WRAP73: variants seen among roughly 807,000 people sequenced by gnomAD.
WRAP73 encodes the protein WD repeat containing, antisense to TP73, also known as WD repeat-containing protein WRAP73.
Under a neutral mutation model 59.6 loss-of-function variants are expected in WRAP73, and 55 were observed. That is an observed-to-expected ratio of 0.92 (90% CI 0.74 to 1.15). The LOEUF is 1.15. Among genes scored for constraint, WRAP73 ranks in the 50% most tolerant of loss-of-function variants. WRAP73 has a pLI of 0.00. For synonymous variants in WRAP73, 265 were observed against 258.2 expected, an observed-to-expected ratio of 1.03 and a Z score of -0.25; for missense variants, 592 against 608.1, an observed-to-expected ratio of 0.97 and a Z score of 0.28.
chr1:3,649,765 G>C (rs1307358748), intron 1 of WRAP73, among the ~76,000 whole-genome samples, 166 bp downstream of exon 1: 1 of 151,892 alleles, frequency 6.6e-6, no homozygotes, highest in African/African-American at 2.4e-5. Flanking sequence ...CACTTGCTCA[G>C]ACACTGCACC....
In WRAP73 at chr1:3,633,440, G is replaced by T. The variant is rs144751487; in HGVS notation, c.880C>A (p.Pro294Thr). ...GGGAGAGGGCCGGCCCCGGCCCGGG[G>T]CGGCGGGAAGGAGAGGCAGCCCAGT... is the stretch of plus-strand genomic sequence containing the variant. ...LGLGCLSFPP[P>T]RAGAGPLPSS... Residue 294 changes from proline (P) to threonine (T), a missense_variant, in exon 9 of 12, where the codon CCC (proline) becomes ACC (threonine). Transcript: ENST00000270708. The T allele has an allele frequency of 1.6e-5, 25 of 1,612,462 alleles. No individual in the cohort carries two copies. In the African/African-American group the frequency reaches 2.7e-4, roughly 17 times the overall value.
rs1644703990 is a variant in WRAP73 at position 3,647,554 on chromosome 1, A to G, written c.76T>C (p.Cys26Arg). ...FSPDGKYLAS[C>R]VQYRLVVRDV... is the part of the protein sequence containing the mutation. ...CGGACCACTAACCGGTACTGGACAC[A>G]GGAAGCCTAAAAAATATGAGAAAGC... Residue 26 changes from cysteine to arginine, a missense_variant, in exon 2 of 12, where the codon TGT (cysteine) becomes CGT (arginine). Cys to Arg is a radical substitution (Grantham distance 180). Coordinates refer to ENST00000270708, the MANE Select transcript of WRAP73 (RefSeq NM_017818.4). 1 of 1,609,010 alleles carries G rather than the reference A, an allele frequency of 6.2e-7. No homozygotes were observed. Among genetic ancestry groups the G allele is most frequent in the Non-Finnish European group, 8.5e-7 (1 of 1,178,360 alleles).
At chr1:3,635,330 C>A in intron 6 of WRAP73, 36 bp from the exon 7 acceptor site, 1 of 1,610,478 alleles carries the variant, frequency 6.2e-7, no homozygotes, top group Non-Finnish European at 8.5e-7. Context: ...AATGAATACA[C>A]CCCCGTCGCC....
At position 3,636,858 on chromosome 1, in the gene WRAP73, G is replaced by A. The variant is rs946761600; in HGVS notation, c.516+137C>T. ...GGTGCCACTGGAAGTGATTCGCAGC[G>A]CACCTGCCCTTTGTTAATACAACAT... On this transcript the variant is annotated intron_variant, in intron 5 of 11. Coordinates refer to ENST00000270708, the MANE Select transcript of WRAP73 (RefSeq NM_017818.4). The A allele has an allele frequency of 1.8e-5, 16 of 909,144 alleles. 1 individual carries two copies. Among genetic ancestry groups the A allele is most frequent in the Non-Finnish European group, 2.6e-5 (15 of 574,432 alleles). 56.3% of individuals were successfully genotyped at this position (909,144 alleles called of 1,614,324 possible). A position where few individuals can be genotyped will look rare whatever the true frequency, so the allele number is the denominator to read the frequency against.
At position 3,650,016 on chromosome 1, in the gene WRAP73, G is replaced by A; in HGVS notation, c.-17C>T. ...GAAGTTCATGGCCGCCGCCTGCCGC[G>A]GGCGCCACCCTGCGCCCGAAAACCC... is the stretch of plus-strand genomic sequence containing the variant. On this transcript the variant is annotated 5_prime_UTR_variant, in exon 1 of 12. Transcript: ENST00000270708. 1.3e-6 allele frequency: 2 copies of A among 1,584,476 alleles called. No individual in the cohort carries two copies. Among genetic ancestry groups the A allele is most frequent in the Non-Finnish European group, 1.7e-6 (2 of 1,167,830 alleles).
In WRAP73 at chr1:3,650,025, C is replaced by T. The variant is rs781572798; in HGVS notation, c.-26G>A. The stretch of plus-strand genomic sequence containing the variant: ...GGCCGCCGCCTGCCGCGGGCGCCAC[C>T]CTGCGCCCGAAAACCCGCGGGACCC... On this transcript the variant is annotated 5_prime_UTR_variant, in exon 1 of 12. Coordinates refer to ENST00000270708, the MANE Select transcript of WRAP73 (RefSeq NM_017818.4). 6.3e-7 allele frequency: 1 copy of T among 1,579,004 alleles called. No individual in the cohort carries two copies. Among genetic ancestry groups the T allele is most frequent in the Non-Finnish European group, 8.6e-7 (1 of 1,165,298 alleles).
At chr1:3,631,416 G>C in intron 11 of WRAP73, 50 bp downstream of exon 11, 1 of 1,544,770 alleles carries the variant, frequency 6.5e-7, no homozygotes, top group Admixed American at 2.0e-5. Flanking sequence ...TGTGATGCCA[G>C]ACTGCACACA....
chr1:3,647,691 A>G, intron 1 of WRAP73, 131 bp from the exon 2 acceptor site: 4 of 942,882 alleles, frequency 4.2e-6, no homozygotes, highest in Non-Finnish European at 6.3e-6. Context: ...CTAGATCACC[A>G]GTGACATCCC....
chr1:3,633,283 T>C (rs1644556391), intron 9 of WRAP73, 115 bp downstream of exon 9: 2 of 967,200 alleles, frequency 2.1e-6, no homozygotes, highest in African/African-American at 1.6e-5. Context: ...GCTGGAAGCA[T>C]GGAAGGGAAA....
Position 3,649,922 on chromosome 1 carries a change from G to A in WRAP73, c.69+9C>T. On this transcript the variant is annotated intron_variant, in intron 1 of 11. Coordinates refer to ENST00000270708, the MANE Select transcript of WRAP73 (RefSeq NM_017818.4). ...TGTCCTGCCCGTGGCCCAGGTCCCC[G>A]CCGCTCACCAGGTACTTGCCGTCCG... The A allele has an allele frequency of 6.3e-7, 1 of 1,596,526 alleles. No individual in the cohort carries two copies. Among genetic ancestry groups the A allele is most frequent in the Non-Finnish European group, 8.5e-7 (1 of 1,173,310 alleles).
At chr1:3,647,380 A>G (rs1343659673) in intron 2 of WRAP73, 28 bp downstream of exon 2, 1 of 1,592,692 alleles carries the variant, frequency 6.3e-7, no homozygotes, top group South Asian at 1.1e-5. Flanking sequence ...GAAGGTGTCC[A>G]GATTCTAAGC....
intron 3 of WRAP73, among the ~76,000 whole-genome samples, chr1:3,645,992 T>C (rs908942922): frequency 3.3e-5 from 5 of 152,232 alleles, no homozygotes; most frequent in Admixed American, 6.5e-5. Flanking sequence ...TAAATTAAGA[T>C]TTTTAAAATG....
At chr1:3,631,885 A>AT (rs61056079) in intron 10 of WRAP73, 112 of 1,333,774 alleles carry the variant, frequency 8.4e-5, no homozygotes, top group Middle Eastern at 5.8e-4. Context: ...TTTCTTTGGT[A>AT]TTTTTTTTTT....
Position 3,634,992 on chromosome 1 carries a change from C to T in WRAP73, c.816+5G>A, listed in dbSNP as rs1644575495. The T allele has an allele frequency of 9.9e-6, 16 of 1,614,078 alleles. No individual in the cohort carries two copies. Among genetic ancestry groups the T allele is most frequent in the Non-Finnish European group, 1.3e-5 (15 of 1,180,042 alleles). On this transcript the variant is annotated splice_donor_5th_base_variant and intron_variant, in intron 8 of 11. Transcript: ENST00000270708. The stretch of plus-strand genomic sequence containing the variant: ...CTCAGGCAGAAACACGTGTTCCAGA[C>T]TTACTATCTTGGGATCATTAATGGC...
chr1:3,638,927 C>G (rs1175309877), intron 3 of WRAP73, 105 bp from the exon 4 acceptor site: 1 of 1,264,120 alleles, frequency 7.9e-7, no homozygotes, highest in Non-Finnish European at 1.1e-6. Flanking sequence ...GGCCTGACTG[C>G]TGGAGTGGAT....
chr1:3,630,925 C>T lies in WRAP73; in HGVS notation c.*50G>A. The T allele has an allele frequency of 6.4e-7, 1 of 1,571,208 alleles. No homozygotes were observed. The highest frequency in any genetic ancestry group is 8.7e-7 in the Non-Finnish European group (1 of 1,154,822). The stretch of plus-strand genomic sequence containing the variant: ...CCTGGTGAAGCTGTGTTTTTTCCCA[C>T]ACTGGAAACACAGAGTAGCCCTGTT... On this transcript the variant is annotated 3_prime_UTR_variant, in exon 12 of 12. Coordinates refer to ENST00000270708, the MANE Select transcript of WRAP73 (RefSeq NM_017818.4).
chr1:3,633,679 A>G, intron 8 of WRAP73, 176 bp from the exon 9 acceptor site: 1 of 570,754 alleles, frequency 1.8e-6, no homozygotes. Flanking sequence ...AGCTGAGATC[A>G]CCCAGCCACC....
In WRAP73 at chr1:3,638,753, G is replaced by A; in HGVS notation, c.409C>T (p.Gln137Ter). 6.2e-7 allele frequency: 1 copy of A among 1,614,080 alleles called. No homozygotes were observed. Among genetic ancestry groups the A allele is most frequent in the Non-Finnish European group, 8.5e-7 (1 of 1,179,990 alleles). ...TGCGTGGCTCCGATCGACTCACCCT[G>A]CAGACAAGCTTTCGGGTATTTGATG... Reference protein sequence around the residue: ...SYIKYPKACLQGITFTRDGRY... With the variant: ...SYIKYPKACL Residue 137 changes from glutamine to a stop codon, truncating the protein, a stop_gained, in exon 4 of 12, where the codon CAG (glutamine) becomes TAG (stop). Coordinates refer to ENST00000270708, the MANE Select transcript of WRAP73 (RefSeq NM_017818.4). LOFTEE classifies it high-confidence loss of function.
At position 3,635,076 on chromosome 1, in the gene WRAP73, TGAGG is replaced by T. The variant is rs758133028; in HGVS notation, c.739-6_739-3del. On this transcript the variant is annotated splice_polypyrimidine_tract_variant and splice_region_variant and intron_variant, in intron 7 of 11. Coordinates refer to ENST00000270708, the MANE Select transcript of WRAP73 (RefSeq NM_017818.4). ...AGTCACGTGATTAAGGATGCGCACC[TGAGG>T]AAGGAAACCATGCACAGGTGAGGCA... 4 of 1,614,218 alleles carry T rather than the reference TGAGG, an allele frequency of 2.5e-6. No homozygotes were observed. Among genetic ancestry groups the T allele is most frequent in the Non-Finnish European group, 3.4e-6 (4 of 1,180,048 alleles).
Sources: gnomAD v4.1 joint callset for allele counts (sites outside exome capture counted in the v4.1 genomes callset) on GRCh38, gnomAD v4.1.1 for gene constraint, MANE v1.5 for transcripts, NCBI Gene and HGNC (gene_info 2026-07-23, HGNC 2026-07-21) for gene names.